WIPF2: variants seen among roughly 807,000 people sequenced by gnomAD.
WIPF2 encodes WAS/WASL-interacting protein family member 2.
A neutral mutation model predicts 38.8 loss-of-function variants in WIPF2; 23 were observed. That is an observed-to-expected ratio of 0.59 (90% CI 0.43 to 0.84). The LOEUF (loss-of-function observed/expected upper bound fraction) is 0.84, where lower values mean the gene tolerates loss of function less well. Ranked by LOEUF, WIPF2 falls within the 40% of genes least tolerant of loss-of-function variation. The pLI is 0.00. For missense variants in WIPF2, 574 were observed against 580.5 expected (o/e 0.99, Z 0.11); for synonymous variants, 210 against 223.2 (o/e 0.94, Z 0.53).
At chr17:40,262,831 G>C (rs371890257) in intron 4 of WIPF2, among the ~76,000 whole-genome samples, 190 bp downstream of exon 4, 1 of 152,180 alleles carries the variant, frequency 6.6e-6, no homozygotes, top group East Asian at 1.9e-4. Flanking sequence ...CTTGGATAAA[G>C]AAAATGTGGC....
chr17:40,237,039 A>G (rs1440732905), intron 1 of WIPF2, among the ~76,000 whole-genome samples: 1 of 152,022 alleles, frequency 6.6e-6, no homozygotes, highest in Non-Finnish European at 1.5e-5. Context: ...AAAATTCATC[A>G]TACTCAGCAT....
intron 1 of WIPF2, among the ~76,000 whole-genome samples, chr17:40,240,931 T>A (rs956449508): frequency 2.8e-5 from 4 of 140,758 alleles, no homozygotes; most frequent in African/African-American, 1.1e-4. Flanking sequence ...GGCAACAGAA[T>A]GAGACTCCGT....
At position 40,282,239 on chromosome 17, in the gene WIPF2, C is replaced by A. The variant is rs894540735; in HGVS notation, c.*4014C>A. The A allele has an allele frequency of 5.9e-5, 9 of 151,908 alleles. No individual in the cohort carries two copies. Among genetic ancestry groups the A allele is most frequent in the African/African-American group, 2.2e-4 (9 of 41,338 alleles). 9.4% of individuals were successfully genotyped at this position (151,908 alleles called of 1,614,324 possible). A position where few individuals can be genotyped will look rare whatever the true frequency, so the allele number is the denominator to read the frequency against. On this transcript the variant is annotated 3_prime_UTR_variant, in exon 8 of 8. Transcript: ENST00000323571. ...GCTTTCTTCCTTTCCCTCTTTGAAG[C>A]AATTAAAATCTTCCTTGATAACTGC...
At position 40,277,269 on chromosome 17, in the gene WIPF2, C is replaced by A. The variant is rs1052185754; in HGVS notation, c.1282+85C>A. On this transcript the variant is annotated intron_variant, in intron 7 of 7. Coordinates refer to ENST00000323571, the MANE Select transcript of WIPF2 (RefSeq NM_133264.5). ...TTCTTAGGTTAAAATTTGCTTCTCG[C>A]TGGGCACAGTGGCTCATACCTATAA... 5 of 1,213,972 alleles carry A rather than the reference C, an allele frequency of 4.1e-6. No homozygotes were observed. In the African/African-American group the frequency reaches 7.6e-5, roughly 19 times the overall value. The allele number at this position is 1,213,972 out of a possible 1,614,324, so 75.2% of individuals were successfully genotyped here. A position where few individuals can be genotyped will look rare whatever the true frequency, so the allele number is the denominator to read the frequency against.
At chr17:40,248,063 T>C (rs527454843) in intron 1 of WIPF2, among the ~76,000 whole-genome samples, 156 of 152,138 alleles carry the variant, frequency 1.0e-3, no homozygotes, top group Admixed American at 3.3e-3. Context: ...TTTGAACTTT[T>C]TGTTTGATGT....
chr17:40,237,175 C>T (rs905642382), intron 1 of WIPF2, among the ~76,000 whole-genome samples: 4 of 150,726 alleles, frequency 2.7e-5, no homozygotes, highest in Non-Finnish European at 4.4e-5. Context: ...TTTCTGGAAA[C>T]GCTGTTACTC....
chr17:40,220,776 G>GTT (rs773127708), intron 1 of WIPF2, among the ~76,000 whole-genome samples: 6 of 125,948 alleles, frequency 4.8e-5, no homozygotes, highest in Non-Finnish European at 6.7e-5. Flanking sequence ...CCCAGAATTC[G>GTT]TTTTTTTTTT....
chr17:40,257,714 G>T (rs966276779), intron 2 of WIPF2, among the ~76,000 whole-genome samples: 9 of 142,276 alleles, frequency 6.3e-5, no homozygotes, highest in Non-Finnish European at 1.3e-4. Context: ...CCGCACTCCA[G>T]CCTGGGCGAC....
At chr17:40,274,841 G>T (rs1180854103) in intron 6 of WIPF2, among the ~76,000 whole-genome samples, 1 of 149,650 alleles carries the variant, frequency 6.7e-6, no homozygotes, top group African/African-American at 2.5e-5. Context: ...TACTCAGGAG[G>T]ATTGCCTAAG....
At chr17:40,236,007 C>T (rs1339164966) in intron 1 of WIPF2, among the ~76,000 whole-genome samples, 2 of 150,582 alleles carry the variant, frequency 1.3e-5, no homozygotes, top group African/African-American at 4.9e-5. Context: ...CACCCAGGCC[C>T]GAGTGCAGTG....
At chr17:40,262,705 G>A in intron 4 of WIPF2, 64 bp downstream of exon 4, 2 of 1,369,718 alleles carry the variant, frequency 1.5e-6, no homozygotes, top group African/African-American at 1.4e-5. Context: ...TCCCAAGTGG[G>A]CCATCTCAGG....
At position 40,250,431 on chromosome 17, in the gene WIPF2, A is replaced by G. The variant is rs370788136; in HGVS notation, c.-69-5960A>G. On this transcript the variant is annotated intron_variant, in intron 1 of 7. Transcript: ENST00000323571. ...ATTTTTGTATTTTTTTTTTTTTTTT[A>G]GTAGAGACAGGGTTTCACCGTGTTG... Among the ~76,000 whole-genome samples the G allele has an allele frequency of 1.2e-3, 159 of 135,932 alleles. 6 individuals carry two copies. In the South Asian group the frequency reaches 0.034, roughly 29 times the overall value. 89.2% of individuals were successfully genotyped at this position (135,932 alleles called of 152,430 possible).
In WIPF2 at chr17:40,273,875, A is replaced by AC; in HGVS notation, c.1061dup (p.Ser355GlufsTer41). 1 of 1,556,810 alleles carries AC rather than the reference A, an allele frequency of 6.4e-7. No homozygotes were observed. Among genetic ancestry groups the AC allele is most frequent in the Non-Finnish European group, 8.8e-7 (1 of 1,142,012 alleles). The stretch of plus-strand genomic sequence containing the variant: ...CACCATACCGAATGCATGGGTCAGA[A>AC]CCCCCGAGCCGAGGAAAGCCCCCAC... On this transcript the variant is annotated frameshift_variant, in exon 6 of 8. Transcript: ENST00000323571. LOFTEE classifies it high-confidence loss of function.
At position 40,232,179 on chromosome 17, in the gene WIPF2, A is replaced by ATTTTTTTTTT. The variant is rs752876006; in HGVS notation, c.-70+12706_-70+12715dup. Reference sequence around the variant, plus strand: ...AGGCACATGCCACCATGCCTGGCTAATTTTTTTTTTTTTTTTTTTTTTTTT... The same window carrying ATTTTTTTTTT: ...AGGCACATGCCACCATGCCTGGCTAATTTTTTTTTTTTTTTTTTTTTTTTTTTTTTTTTTT... On this transcript the variant is annotated intron_variant, in intron 1 of 7. Coordinates refer to ENST00000323571, the MANE Select transcript of WIPF2 (RefSeq NM_133264.5). 3.8e-4 allele frequency among the ~76,000 whole-genome samples: 29 copies of ATTTTTTTTTT among 76,052 alleles called. 1 individual carries two copies. Among genetic ancestry groups the ATTTTTTTTTT allele is most frequent in the African/African-American group, 1.1e-3 (16 of 14,506 alleles). 49.9% of individuals were successfully genotyped at this position (76,052 alleles called of 152,430 possible).
intron 4 of WIPF2, among the ~76,000 whole-genome samples, chr17:40,263,136 TG>T (rs2031967215): frequency 6.6e-6 from 1 of 152,098 alleles, no homozygotes; most frequent in South Asian, 2.1e-4. Flanking sequence ...TAAGTTTTAG[TG>T]ATCTATTGCA....
chr17:40,250,300 G>A (rs1474007327), intron 1 of WIPF2, among the ~76,000 whole-genome samples: 1 of 128,568 alleles, frequency 7.8e-6, no homozygotes, highest in Non-Finnish European at 1.6e-5. Context: ...GCGCATTCTC[G>A]GCTCACTGCA....
At chr17:40,270,012 C>A (rs1298628005) in intron 5 of WIPF2, among the ~76,000 whole-genome samples, 1 of 152,032 alleles carries the variant, frequency 6.6e-6, no homozygotes, top group Non-Finnish European at 1.5e-5. Context: ...CCCAGGACTT[C>A]TTTTGGAAAT....
intron 1 of WIPF2, among the ~76,000 whole-genome samples, chr17:40,244,501 T>C (rs2031294017): frequency 6.6e-6 from 1 of 152,200 alleles, no homozygotes; most frequent in Non-Finnish European, 1.5e-5. Flanking sequence ...TGGAAGGCCT[T>C]CAGTTAGTAC....
chr17:40,244,351 G>T (rs2145328388), intron 1 of WIPF2, among the ~76,000 whole-genome samples: 1 of 152,128 alleles, frequency 6.6e-6, no homozygotes, highest in South Asian at 2.1e-4. Flanking sequence ...CTCATTTTGG[G>T]GTTCTTTGGC....
Sources: gnomAD v4.1 joint callset for allele counts (sites outside exome capture counted in the v4.1 genomes callset) on GRCh38, gnomAD v4.1.1 for gene constraint, MANE v1.5 for transcripts, NCBI Gene and HGNC (gene_info 2026-07-23, HGNC 2026-07-21) for gene names.